The following VWA8 variants were observed in gnomAD, a reference collection of about 807,000 sequenced individuals.
VWA8 encodes von Willebrand factor A domain containing 8.
Under a neutral mutation model 241.5 loss-of-function variants are expected in VWA8, and 221 were observed. The ratio of observed to expected loss-of-function variants is 0.91; its 90% CI spans 0.82 to 1.02. VWA8 has a LOEUF of 1.02. VWA8 is among the 50% of genes least tolerant of loss of function. VWA8 has a pLI of 0.00. For missense variants in VWA8, 2,322 were observed against 2,328.7 expected (o/e 1.00, Z 0.06); for synonymous variants, 852 against 827.1 (o/e 1.03, Z -0.52).
chr13:41,832,010 A>C (rs189780804), intron 13 of VWA8, among the ~76,000 whole-genome samples: 1 of 150,244 alleles, frequency 6.7e-6, no homozygotes, highest in African/African-American at 2.5e-5. Flanking sequence ...GGCTCACTGC[A>C]ACCTCCACCT....
At position 41,784,717 on chromosome 13, in the gene VWA8, T is replaced by C. The variant is rs1209125810; in HGVS notation, c.2171-816A>G. On this transcript the variant is annotated intron_variant, in intron 18 of 44. Transcript: ENST00000379310. ...ATATACATATATATATATATATATA[T>C]ATATATATATATACACACACATATA... Among the ~76,000 whole-genome samples the C allele has an allele frequency of 2.0e-3, 151 of 74,730 alleles. 4 individuals are homozygous for C. Among genetic ancestry groups the C allele is most frequent in the East Asian group, 2.1e-3 (5 of 2,364 alleles). The allele number at this position is 74,730 out of a possible 152,430, so 49.0% of individuals were successfully genotyped here. A position where few individuals can be genotyped will look rare whatever the true frequency, so the allele number is the denominator to read the frequency against.
At chr13:41,873,564 A>T (rs1424800499) in intron 9 of VWA8, among the ~76,000 whole-genome samples, 1 of 152,238 alleles carries the variant, frequency 6.6e-6, no homozygotes, top group Non-Finnish European at 1.5e-5. Context: ...ACCTCTACGC[A>T]AATAAACTAG....
At chr13:41,600,247 A>G (rs929099027) in intron 40 of VWA8, among the ~76,000 whole-genome samples, 1 of 152,092 alleles carries the variant, frequency 6.6e-6, no homozygotes. Context: ...TGACTACTTA[A>G]ATAATTTTAA....
intron 27 of VWA8, 87 bp from the exon 28 acceptor site, chr13:41,701,617 A>C: frequency 7.8e-7 from 1 of 1,276,114 alleles, no homozygotes; most frequent in Non-Finnish European, 1.0e-6. Flanking sequence ...TATAAACTTT[A>C]ACATTCAAGT....
chr13:41,674,978 G>A (rs902160690), intron 36 of VWA8, among the ~76,000 whole-genome samples: 1 of 151,958 alleles, frequency 6.6e-6, no homozygotes, highest in African/African-American at 2.4e-5. Context: ...AGAGAACAAA[G>A]ACTTGCAGGC....
intron 21 of VWA8, among the ~76,000 whole-genome samples, chr13:41,743,733 T>C (rs927322399): frequency 1.3e-5 from 2 of 152,208 alleles, no homozygotes; most frequent in Admixed American, 6.5e-5. Flanking sequence ...TTTTCCTGTT[T>C]ATTAAATTAT....
chr13:41,696,667 A>G (rs1354270443), intron 29 of VWA8, among the ~76,000 whole-genome samples: 1 of 152,180 alleles, frequency 6.6e-6, no homozygotes, highest in African/African-American at 2.4e-5. Flanking sequence ...CAGCTGGAAG[A>G]ATAACATGAG....
At chr13:41,903,026 A>C (rs1875531913) in intron 4 of VWA8, among the ~76,000 whole-genome samples, 1 of 152,234 alleles carries the variant, frequency 6.6e-6, no homozygotes, top group South Asian at 2.1e-4. Context: ...CCGTCCCTTC[A>C]GCCCAAACAT....
At chr13:41,932,226 A>G (rs1018687655) in intron 2 of VWA8, among the ~76,000 whole-genome samples, 1 of 152,142 alleles carries the variant, frequency 6.6e-6, no homozygotes, top group African/African-American at 2.4e-5. Flanking sequence ...AGAAATGAAC[A>G]AAGTCCTTAA....
intron 44 of VWA8, 87 bp from the exon 45 acceptor site, chr13:41,568,392 G>C (rs781493821): frequency 9.7e-7 from 1 of 1,026,844 alleles, no homozygotes. Flanking sequence ...GCCCCCTAAT[G>C]GTTTCTTAGG....
intron 4 of VWA8, among the ~76,000 whole-genome samples, chr13:41,898,999 G>A (rs1023821556): frequency 6.6e-6 from 1 of 152,224 alleles, no homozygotes; most frequent in African/African-American, 2.4e-5. Flanking sequence ...AGCCGGCTCT[G>A]GCCTTGGCCA....
chr13:41,835,385 T>C (rs1871676306), intron 12 of VWA8, among the ~76,000 whole-genome samples: 1 of 152,210 alleles, frequency 6.6e-6, no homozygotes, highest in Non-Finnish European at 1.5e-5. Context: ...TTTGACACAT[T>C]GTCAAAATTT....
chr13:41,926,068 T>A (rs1876818017), intron 2 of VWA8: 2 of 472,254 alleles, frequency 4.2e-6, no homozygotes, highest in Non-Finnish European at 7.9e-6. Context: ...CAAGTCATGG[T>A]GAATCCCAGA....
At chr13:41,783,766 T>C (rs1593769750) in intron 19 of VWA8, 29 bp downstream of exon 19, 1 of 1,524,240 alleles carries the variant, frequency 6.6e-7, no homozygotes, top group East Asian at 2.3e-5. Flanking sequence ...TTAAGTGATT[T>C]ATCCAAGAAC....
rs1011217710 is a variant in VWA8, at chr13:41,619,770, G to A, written c.4612-4686C>T. ...TGGTTCTGTTTATGTGATGGATTATGTTTATTGATTTGCGTATGTTGAACC... is the reference window on the plus strand; with the variant it reads ...TGGTTCTGTTTATGTGATGGATTATATTTATTGATTTGCGTATGTTGAACC... On this transcript the variant is annotated intron_variant, in intron 37 of 44. Coordinates refer to ENST00000379310, the MANE Select transcript of VWA8 (RefSeq NM_015058.2). Among the ~76,000 whole-genome samples the A allele has an allele frequency of 3.6e-4, 55 of 152,142 alleles. 2 individuals carry two copies. The highest frequency in any genetic ancestry group is 1.3e-3 in the African/African-American group (55 of 41,506).
intron 21 of VWA8, among the ~76,000 whole-genome samples, chr13:41,744,993 A>C (rs1359086947): frequency 2.0e-5 from 3 of 151,866 alleles, no homozygotes; most frequent in Admixed American, 2.0e-4. Flanking sequence ...ACCCACCACC[A>C]CGACCGGCTA....
chr13:41,687,699 G>A (rs2137813915), intron 34 of VWA8, among the ~76,000 whole-genome samples: 1 of 152,232 alleles, frequency 6.6e-6, no homozygotes, highest in South Asian at 2.1e-4. Flanking sequence ...GCTTAGAGCA[G>A]CACACTGCCT....
intron 37 of VWA8, among the ~76,000 whole-genome samples, chr13:41,625,023 A>G (rs941925390): frequency 8.5e-5 from 13 of 152,224 alleles, no homozygotes; most frequent in Non-Finnish European, 1.5e-4. Flanking sequence ...CTATACATCA[A>G]TAACGTCCAA....
chr13:41,706,458 G>T (rs1052992768), intron 26 of VWA8, among the ~76,000 whole-genome samples: 1 of 152,156 alleles, frequency 6.6e-6, no homozygotes, highest in African/African-American at 2.4e-5. Context: ...GTAACATGGG[G>T]TATTATTGTT....
Sources: allele counts gnomAD v4.1 joint callset (sites outside exome capture counted in the v4.1 genomes callset), GRCh38; gene constraint gnomAD v4.1.1; transcripts MANE v1.5; gene names NCBI Gene and HGNC (gene_info 2026-07-23, HGNC 2026-07-21).